Variants in HLA-E observed in about 807,000 individuals in gnomAD.
HLA-E encodes the protein major histocompatibility complex, class I, E, also known as HLA class I histocompatibility antigen, alpha chain E.
HLA-E carries 25 observed loss-of-function variants against 43.4 expected under a neutral mutation model. The ratio of observed to expected loss-of-function variants is 0.58; its 90% CI spans 0.42 to 0.80. The LOEUF (loss-of-function observed/expected upper bound fraction) is 0.80, where lower values mean the gene tolerates loss of function less well. Ranked by LOEUF, HLA-E falls within the 30% of genes least tolerant of loss-of-function variation. The probability of loss-of-function intolerance (pLI) is 0.00; values close to 1 mark genes in which losing one functional copy is unlikely to be tolerated. For missense variants in HLA-E, 343 were observed against 470.0 expected, an observed-to-expected ratio of 0.73 and a Z score of 2.50; for synonymous variants, 161 against 197.6, an observed-to-expected ratio of 0.81 and a Z score of 1.55.
rs1796466555 is a variant in HLA-E at position 30,490,417 on chromosome 6, C to T, written c.512C>T (p.Ala171Val). The change falls in exon 3 of 8, where the codon GCC (alanine) becomes GTC (valine). Residue 171 changes from alanine (A) to valine (V), a missense_variant. Ala to Val is a moderately conservative substitution (Grantham distance 64). This residue lies in a region of HLA-E where 190 missense variants were observed against 283.6 expected (regional missense o/e 0.67). Transcript: ENST00000376630. The surrounding 1 kb of genome is among the most constrained non-coding windows in gnomAD (Gnocchi z 6.6). The part of the protein sequence containing the change: ...AQISEQKSND[A>V]SEAEHQRAYL... ...ATCTCCGAGCAAAAGTCAAATGATG[C>T]CTCTGAGGCGGAGCACCAGAGAGCC... 1 of 1,613,062 alleles carries T rather than the reference C, an allele frequency of 6.2e-7. No individual in the cohort carries two copies.
chr6:30,492,266 T>C lies in HLA-E; in HGVS notation c.1004-138T>C, dbSNP rs1796593487. 6.7e-6 allele frequency: 6 copies of C among 900,848 alleles called. No individual in the cohort carries two copies. Among genetic ancestry groups the C allele is most frequent in the Admixed American group, 3.6e-5 (2 of 55,316 alleles). 55.8% of individuals were successfully genotyped at this position (900,848 alleles called of 1,614,324 possible). A position where few individuals can be genotyped will look rare whatever the true frequency, so the allele number is the denominator to read the frequency against. On this transcript the variant is annotated intron_variant, in intron 5 of 7. Transcript: ENST00000376630. This position sits in a 1 kb window ranked among gnomAD's most constrained non-coding sequence, Gnocchi z 4.5. ...TGATCCAGGACCCACACCTGCTTTC[T>C]TCACGTTTCCTGATCCTGCCCTGGG...
Position 30,489,884 on chromosome 6 carries a change from C to G in HLA-E, c.223C>G (p.Gln75Glu), listed in dbSNP as rs764589320. The change falls in exon 2 of 8, where the codon CAG becomes GAG. Residue 75 changes from glutamine to glutamate, a missense_variant. Around this residue, in one of 3 missense-constraint regions of HLA-E, gnomAD observed 94 missense variants for 144.4 expected, o/e 0.65. Transcript: ENST00000376630. This position sits in a 1 kb window ranked among gnomAD's most constrained non-coding sequence, Gnocchi z 5.6. ...RMVPRAPWMEQEGSEYWDRET... is the reference protein window; with the variant it reads ...RMVPRAPWMEEEGSEYWDRET... ...GGTGCCGCGGGCGCCGTGGATGGAG[C>G]AGGAGGGGTCAGAGTATTGGGACCG... 2.5e-6 allele frequency: 4 copies of G among 1,613,038 alleles called. No individual in the cohort carries two copies. The highest frequency in any genetic ancestry group is 1.7e-5 in the Admixed American group (1 of 60,024).
Position 30,491,358 on chromosome 6 carries a change from T to C in HLA-E, c.832T>C (p.Tyr278His). The change falls in exon 4 of 8, where the codon TAC becomes CAC. Residue 278 changes from tyrosine (Y) to histidine (H), a missense_variant. Physicochemically the swap from Tyr to His is moderately conservative, Grantham distance 83. Coordinates refer to ENST00000376630, the MANE Select transcript of HLA-E (RefSeq NM_005516.6). This position sits in a 1 kb window ranked among gnomAD's most constrained non-coding sequence, Gnocchi z 5.4. ...VVVPSGEEQR[Y>H]TCHVQHEGLP... ...GGTGCCTTCTGGAGAGGAGCAGAGA[T>C]ACACGTGCCATGTGCAGCATGAGGG... 1.2e-6 allele frequency: 2 copies of C among 1,614,154 alleles called. No individual in the cohort carries two copies. The highest frequency in any genetic ancestry group is 1.7e-6 in the Non-Finnish European group (2 of 1,180,016).
Position 30,492,516 on chromosome 6 carries a change from A to G in HLA-E, c.1037-25A>G. 1 of 1,614,046 alleles carries G rather than the reference A, an allele frequency of 6.2e-7. No individual in the cohort carries two copies. ...ACCACATCTCCTGTGGGCTCTGACC[A>G]GGTCTTGTTTTTGTTCTACCCCAGG... On this transcript the variant is annotated intron_variant, in intron 6 of 7. Coordinates refer to ENST00000376630, the MANE Select transcript of HLA-E (RefSeq NM_005516.6). The surrounding 1 kb of genome is among the most constrained non-coding windows in gnomAD (Gnocchi z 4.5).
In HLA-E at chr6:30,490,206, T is replaced by G. The variant is rs1796446475; in HGVS notation, c.335-34T>G. On this transcript the variant is annotated intron_variant, in intron 2 of 7. Transcript: ENST00000376630. This position sits in a 1 kb window ranked among gnomAD's most constrained non-coding sequence, Gnocchi z 6.6. ...AGGGTGGTGGCGACGGGGGCGGGGC[T>G]TGGTGGGCGGGACTGACTAAGGGGC... 6.3e-7 allele frequency: 1 copy of G among 1,599,764 alleles called. No individual in the cohort carries two copies. Among genetic ancestry groups the G allele is most frequent in the Non-Finnish European group, 8.5e-7 (1 of 1,172,566 alleles).
chr6:30,493,745 C>T lies in HLA-E; in HGVS notation c.*999C>T, dbSNP rs2127276873. On this transcript the variant is annotated 3_prime_UTR_variant, in exon 8 of 8. Transcript: ENST00000376630. The surrounding 1 kb of genome is among the most constrained non-coding windows in gnomAD (Gnocchi z 5.5). ...ACAGAGAGCCTCCACTAGAGTGATG[C>T]TAAGTGGAAATGTGAGGTGCAGCTG... 1 of 152,442 alleles carries T rather than the reference C, an allele frequency of 6.6e-6. No homozygotes were observed. The highest frequency in any genetic ancestry group is 1.5e-5 in the Non-Finnish European group (1 of 68,156). The allele number at this position is 152,442 out of a possible 1,614,324, so 9.4% of individuals were successfully genotyped here.
Position 30,492,417 on chromosome 6 carries a change from G to C in HLA-E, c.1017G>C (p.Gly339=). Residue 339 remains glycine (G), a synonymous_variant, in exon 6 of 8, where the codon GGG becomes GGC. Coordinates refer to ENST00000376630, the MANE Select transcript of HLA-E (RefSeq NM_005516.6). This position sits in a 1 kb window ranked among gnomAD's most constrained non-coding sequence, Gnocchi z 4.5. ...WRKKSSGGKG[G]SYSKAEWSDS... ...TTCTTCCAACAGGTGGAAAAGGAGG[G>C]AGCTACTCTAAGGCTGAGTGTAAGT... 1 of 1,614,190 alleles carries C rather than the reference G, an allele frequency of 6.2e-7. No homozygotes were observed. The highest frequency in any genetic ancestry group is 8.5e-7 in the Non-Finnish European group (1 of 1,180,028).
In HLA-E at chr6:30,490,493, G is replaced by A. The variant is rs1302170760; in HGVS notation, c.588G>A (p.Gly196=). The change falls in exon 3 of 8, where the codon GGG becomes GGA. Residue 196 remains glycine (G), a synonymous_variant. Transcript: ENST00000376630. This position sits in a 1 kb window ranked among gnomAD's most constrained non-coding sequence, Gnocchi z 6.6. The part of the protein sequence containing the change: ...VEWLHKYLEK[G]KETLLHLEPP... The stretch of plus-strand genomic sequence containing the variant: ...GGCTCCACAAATACCTGGAGAAGGG[G>A]AAGGAGACGCTGCTTCACCTGGGTA... The A allele has an allele frequency of 5.6e-6, 9 of 1,612,820 alleles. No homozygotes were observed. The highest frequency in any genetic ancestry group is 3.3e-5 in the Admixed American group (2 of 59,994).
chr6:30,492,846 G>T lies in HLA-E; in HGVS notation c.*100G>T, dbSNP rs1257962872. ...CACGCCTCCCCTATGTGTCTTAGGG[G>T]ACTCTGGCTTCTCTTTTTGCAAGGG... is the stretch of plus-strand genomic sequence containing the variant. On this transcript the variant is annotated 3_prime_UTR_variant, in exon 8 of 8. Coordinates refer to ENST00000376630, the MANE Select transcript of HLA-E (RefSeq NM_005516.6). The surrounding 1 kb of genome is among the most constrained non-coding windows in gnomAD (Gnocchi z 4.5). 1 of 608,756 alleles carries T rather than the reference G, an allele frequency of 1.6e-6. No homozygotes were observed. The highest frequency in any genetic ancestry group is 2.9e-6 in the Non-Finnish European group (1 of 342,920). The allele number at this position is 608,756 out of a possible 1,614,324, so 37.7% of individuals were successfully genotyped here.
Position 30,491,362 on chromosome 6 carries a change from C to T in HLA-E, c.836C>T (p.Thr279Met), listed in dbSNP as rs751016907. Reference sequence around the variant, plus strand: ...CCTTCTGGAGAGGAGCAGAGATACACGTGCCATGTGCAGCATGAGGGGCTA... The same window carrying T: ...CCTTCTGGAGAGGAGCAGAGATACATGTGCCATGTGCAGCATGAGGGGCTA... ...VVPSGEEQRY[T>M]CHVQHEGLPE... is the part of the protein sequence containing the mutation. Residue 279 changes from threonine (T) to methionine (M), a missense_variant, in exon 4 of 8, where the codon ACG (threonine) becomes ATG (methionine). Transcript: ENST00000376630. This position sits in a 1 kb window ranked among gnomAD's most constrained non-coding sequence, Gnocchi z 5.4. 7 of 1,614,168 alleles carry T rather than the reference C, an allele frequency of 4.3e-6. No individual in the cohort carries two copies. Among genetic ancestry groups the T allele is most frequent in the African/African-American group, 2.7e-5 (2 of 75,036 alleles).
Position 30,491,540 on chromosome 6 carries a change from C to A in HLA-E, c.890C>A (p.Pro297Gln), listed in dbSNP as rs148162840. ...LPEPVTLRWKPASQPTIPIVG... is the reference protein window; with the variant it reads ...LPEPVTLRWKQASQPTIPIVG... ...TTACGTTCCCCTCTTTTCCCAGAGC[C>A]GGCTTCCCAGCCCACCATCCCCATC... is the stretch of plus-strand genomic sequence containing the variant. Residue 297 changes from proline to glutamine, a missense_variant, in exon 5 of 8, where the codon CCG becomes CAG. Transcript: ENST00000376630. The surrounding 1 kb of genome is among the most constrained non-coding windows in gnomAD (Gnocchi z 5.4). 4.1e-4 allele frequency: 664 copies of A among 1,613,244 alleles called. 7 individuals carry two copies. In the East Asian group the frequency reaches 0.014, roughly 33 times the overall value.
chr6:30,490,040 C>T lies in HLA-E; in HGVS notation c.334+45C>T, dbSNP rs1232808911. 6 of 1,561,958 alleles carry T rather than the reference C, an allele frequency of 3.8e-6. No individual in the cohort carries two copies. The highest frequency in any genetic ancestry group is 1.4e-5 in the African/African-American group (1 of 73,800). On this transcript the variant is annotated intron_variant, in intron 2 of 7. Transcript: ENST00000376630. This position sits in a 1 kb window ranked among gnomAD's most constrained non-coding sequence, Gnocchi z 6.6. ...GGAGCAGGTCACGACCCCTCCCCAT[C>T]CCCCACGGACGGCGCGGGTCCCCTC...
At position 30,489,600 on chromosome 6, in the gene HLA-E, G is replaced by C; in HGVS notation, c.64+5G>C. On this transcript the variant is annotated splice_donor_5th_base_variant and intron_variant, in intron 1 of 7. Coordinates refer to ENST00000376630, the MANE Select transcript of HLA-E (RefSeq NM_005516.6). This position sits in a 1 kb window ranked among gnomAD's most constrained non-coding sequence, Gnocchi z 5.6. ...CCCTTACCCAGACCTGGGCGGGTGA[G>C]TGCGGGGTCGGGATGGAAACGGCCT... is the stretch of plus-strand genomic sequence containing the variant. The C allele has an allele frequency of 1.9e-6, 3 of 1,578,648 alleles. No individual in the cohort carries two copies. Among genetic ancestry groups the C allele is most frequent in the Non-Finnish European group, 2.6e-6 (3 of 1,161,780 alleles).
chr6:30,489,805 C>T lies in HLA-E; in HGVS notation c.144C>T (p.Tyr48=), dbSNP rs746969139. 13 of 1,612,904 alleles carry T rather than the reference C, an allele frequency of 8.1e-6. No homozygotes were observed. The highest frequency in any genetic ancestry group is 1.0e-5 in the Non-Finnish European group (12 of 1,180,000). ...RGEPRFISVG[Y]VDDTQFVRFD... The stretch of plus-strand genomic sequence containing the variant: ...AGCCCCGCTTCATCTCTGTGGGCTA[C>T]GTGGACGACACCCAGTTCGTGCGCT... The change falls in exon 2 of 8, where the codon TAC becomes TAT. Residue 48 remains tyrosine (Y), a synonymous_variant. Coordinates refer to ENST00000376630, the MANE Select transcript of HLA-E (RefSeq NM_005516.6). This position sits in a 1 kb window ranked among gnomAD's most constrained non-coding sequence, Gnocchi z 5.6.
chr6:30,490,253 G>A lies in HLA-E; in HGVS notation c.348G>A (p.Leu116=). The part of the protein sequence containing the change: ...YNQSEAGSHT[L]QWMHGCELGP... ...GGGCGGGGCCAGGGTCTCACACCCT[G>A]CAGTGGATGCATGGCTGCGAGCTGG... is the stretch of plus-strand genomic sequence containing the variant. Residue 116 remains leucine, a synonymous_variant, in exon 3 of 8, where the codon CTG becomes CTA. Transcript: ENST00000376630. The surrounding 1 kb of genome is among the most constrained non-coding windows in gnomAD (Gnocchi z 6.6). 6.2e-7 allele frequency: 1 copy of A among 1,612,368 alleles called. No individual in the cohort carries two copies. Among genetic ancestry groups the A allele is most frequent in the Non-Finnish European group, 8.5e-7 (1 of 1,179,764 alleles).
chr6:30,492,467 C>T lies in HLA-E; in HGVS notation c.1036+31C>T, dbSNP rs768886378. On this transcript the variant is annotated intron_variant, in intron 6 of 7. Coordinates refer to ENST00000376630, the MANE Select transcript of HLA-E (RefSeq NM_005516.6). The surrounding 1 kb of genome is among the most constrained non-coding windows in gnomAD (Gnocchi z 4.5). ...TGCGGGGCGGGAGCGTGGAGGAGCTCGCCCACCCTATAATTCCTCCTGCAC... is the reference window on the plus strand; with the variant it reads ...TGCGGGGCGGGAGCGTGGAGGAGCTTGCCCACCCTATAATTCCTCCTGCAC... 3.1e-6 allele frequency: 5 copies of T among 1,613,816 alleles called. No homozygotes were observed. The South Asian group carries it at 3.3e-5, about 11-fold the overall frequency.
Position 30,490,278 on chromosome 6 carries a change from G to C in HLA-E, c.373G>C (p.Gly125Arg). ...GCAGTGGATGCATGGCTGCGAGCTG[G>C]GGCCCGACGGGCGCTTCCTCCGCGG... The part of the protein sequence containing the change: ...TLQWMHGCEL[G>R]PDGRFLRGYE... Residue 125 changes from glycine (G) to arginine (R), a missense_variant, in exon 3 of 8, where the codon GGG becomes CGG. Physicochemically the swap from Gly to Arg is moderately radical, Grantham distance 125. Transcript: ENST00000376630. This position sits in a 1 kb window ranked among gnomAD's most constrained non-coding sequence, Gnocchi z 6.6. 11 of 1,613,016 alleles carry C rather than the reference G, an allele frequency of 6.8e-6. No individual in the cohort carries two copies. Among genetic ancestry groups the C allele is most frequent in the Non-Finnish European group, 9.3e-6 (11 of 1,179,986 alleles).
chr6:30,490,464 G>T lies in HLA-E; in HGVS notation c.559G>T (p.Glu187Ter). 1 of 1,613,066 alleles carries T rather than the reference G, an allele frequency of 6.2e-7. No homozygotes were observed. The highest frequency in any genetic ancestry group is 1.3e-5 in the African/African-American group (1 of 75,058). ...AGCCTACCTGGAAGACACATGCGTGGAGTGGCTCCACAAATACCTGGAGAA... is the reference window on the plus strand; with the variant it reads ...AGCCTACCTGGAAGACACATGCGTGTAGTGGCTCCACAAATACCTGGAGAA... ...QRAYLEDTCV[E>*]WLHKYLEKGK... Residue 187 changes from glutamate to a stop codon, truncating the protein, a stop_gained, in exon 3 of 8, where the codon GAG becomes TAG. Transcript: ENST00000376630. LOFTEE classifies it high-confidence loss of function. The surrounding 1 kb of genome is among the most constrained non-coding windows in gnomAD (Gnocchi z 6.6).
rs1796389520 is a variant in HLA-E at position 30,489,632 on chromosome 6, GGAGTA to G, written c.64+41_64+45del. 1.3e-6 allele frequency: 2 copies of G among 1,597,208 alleles called. No homozygotes were observed. Among genetic ancestry groups the G allele is most frequent in the Admixed American group, 1.7e-5 (1 of 58,986 alleles). On this transcript the variant is annotated intron_variant, in intron 1 of 7. Transcript: ENST00000376630. The surrounding 1 kb of genome is among the most constrained non-coding windows in gnomAD (Gnocchi z 5.6). Reference sequence around the variant, plus strand: ...GTCGGGATGGAAACGGCCTCTACCGGGAGTAGAGAGGGGCCGGCCCGGCGGGGGCG... The same window carrying G: ...GTCGGGATGGAAACGGCCTCTACCGGGAGAGGGGCCGGCCCGGCGGGGGCG...
Sources: allele counts gnomAD v4.1 joint callset, GRCh38; gene constraint gnomAD v4.1.1; regional missense constraint gnomAD v4.1.1; non-coding constraint Gnocchi (gnomAD v3.1); transcripts MANE v1.5; gene names NCBI Gene and HGNC (gene_info 2026-07-23, HGNC 2026-07-21).